ZNF383: variants seen among roughly 807,000 people sequenced by gnomAD.
ZNF383 encodes zinc finger protein 383.
In ZNF383, 32 loss-of-function variants were observed where a neutral mutation model predicts 44.2. The observed-to-expected ratio is 0.72, with a 90% confidence interval of 0.55 to 0.97. ZNF383 has a LOEUF of 0.97. Ranked by LOEUF, ZNF383 falls within the 50% of genes least tolerant of loss-of-function variation. The pLI is 0.00. For missense variants in ZNF383, 487 were observed against 562.5 expected (o/e 0.87, Z 1.36); for synonymous variants, 155 against 186.2 (o/e 0.83, Z 1.36).
chr19:37,227,243 T>C (rs1198896725), intron 2 of ZNF383, among the ~76,000 whole-genome samples: 1 of 151,066 alleles, frequency 6.6e-6, no homozygotes, highest in Non-Finnish European at 1.5e-5. Flanking sequence ...GCCTCCCTAG[T>C]AGCTGGGATT....
At chr19:37,233,604 A>G (rs1235467188) in intron 3 of ZNF383, among the ~76,000 whole-genome samples, 1 of 151,260 alleles carries the variant, frequency 6.6e-6, no homozygotes, top group Non-Finnish European at 1.5e-5. Flanking sequence ...TAATTTTTGT[A>G]TTTTTAGTAG....
At position 37,247,689 on chromosome 19, in the gene ZNF383, AAAC is replaced by A. The variant is rs1599813758; in HGVS notation, c.*4031_*4033del. Reference sequence around the variant, plus strand: ...TCTCTACAGAAAAAAAAAAAAATTAAAACAACAAACTTAAAAGTTGGTATTATA... The same window carrying A: ...TCTCTACAGAAAAAAAAAAAAATTAAAACAAACTTAAAAGTTGGTATTATA... On this transcript the variant is annotated 3_prime_UTR_variant, in exon 6 of 6. Coordinates refer to ENST00000684119, the MANE Select transcript of ZNF383 (RefSeq NM_001387601.1). 6.6e-6 allele frequency: 1 copy of A among 152,116 alleles called. No homozygotes were observed. The highest frequency in any genetic ancestry group is 2.4e-5 in the African/African-American group (1 of 41,440). 9.4% of individuals were successfully genotyped at this position (152,116 alleles called of 1,614,324 possible).
At chr19:37,219,051 T>C (rs951421449) in intron 1 of ZNF383, among the ~76,000 whole-genome samples, 6 of 152,034 alleles carry the variant, frequency 3.9e-5, no homozygotes, top group East Asian at 1.9e-4. Flanking sequence ...TGACCATATA[T>C]AGTGTTATTG....
At chr19:37,219,579 AT>A (rs1972823569) in intron 1 of ZNF383, 1 of 152,756 alleles carries the variant, frequency 6.5e-6, no homozygotes, top group African/African-American at 2.4e-5. Context: ...GACCTCCCCC[AT>A]CCCTTCTTCT....
At chr19:37,236,956 C>A (rs1973835881) in intron 5 of ZNF383, among the ~76,000 whole-genome samples, 1 of 26,620 alleles carries the variant, frequency 3.8e-5, no homozygotes, top group Non-Finnish European at 6.5e-5. Context: ...CACATGTGAA[C>A]ACACACACAC....
chr19:37,243,137 G>A lies in ZNF383; in HGVS notation c.901G>A (p.Ala301Thr). 6.2e-7 allele frequency: 1 copy of A among 1,613,980 alleles called. No individual in the cohort carries two copies. The highest frequency in any genetic ancestry group is 8.5e-7 in the Non-Finnish European group (1 of 1,179,986). ...TAAGAGCTCACAACTTTTTCAGCAT[G>A]CACGAATTCATACAGGTGAGAAACC... ...FTKSSQLFQH[A>T]RIHTGEKPYE... is the part of the protein sequence containing the mutation. The change falls in exon 6 of 6, where the codon GCA becomes ACA. Residue 301 changes from alanine (A) to threonine (T), a missense_variant. By Grantham distance (58) the Ala-to-Thr change is moderately conservative (BLOSUM62 0). Transcript: ENST00000684119.
intron 2 of ZNF383, among the ~76,000 whole-genome samples, chr19:37,228,982 A>G (rs1568522978): frequency 6.6e-6 from 1 of 151,954 alleles, no homozygotes; most frequent in African/African-American, 2.4e-5. Context: ...GCTGTTAAAG[A>G]CTCTATCACA....
At chr19:37,236,953 G>GC (rs1196887056) in intron 5 of ZNF383, among the ~76,000 whole-genome samples, 2 of 95,480 alleles carry the variant, frequency 2.1e-5, no homozygotes, top group Non-Finnish European at 4.2e-5. Context: ...ACACACATGT[G>GC]AACACACACA....
rs1974442524 is a variant in ZNF383, at chr19:37,248,430, A to C, written c.*4766A>C. On this transcript the variant is annotated 3_prime_UTR_variant, in exon 6 of 6. Coordinates refer to ENST00000684119, the MANE Select transcript of ZNF383 (RefSeq NM_001387601.1). ...CCCATTGAAAATAAATATTTGTCAC[A>C]TTCTGAATTTAGGAAAAAACAATTC... 6.6e-6 allele frequency: 1 copy of C among 152,262 alleles called. No individual in the cohort carries two copies. The highest frequency in any genetic ancestry group is 1.5e-5 in the Non-Finnish European group (1 of 68,052). 9.4% of individuals were successfully genotyped at this position (152,262 alleles called of 1,614,324 possible).
chr19:37,220,165 T>C (rs1972848924), intron 1 of ZNF383, among the ~76,000 whole-genome samples: 1 of 152,268 alleles, frequency 6.6e-6, no homozygotes, highest in African/African-American at 2.4e-5. Flanking sequence ...TTATGACATT[T>C]ACCATTTCAT....
At chr19:37,233,068 C>T (rs566024505) in intron 3 of ZNF383, among the ~76,000 whole-genome samples, 1 of 152,138 alleles carries the variant, frequency 6.6e-6, no homozygotes, top group East Asian at 1.9e-4. Context: ...ATACAGTCCC[C>T]TCTTACAGCA....
At chr19:37,230,510 A>G (rs909806496) in intron 3 of ZNF383, 48 bp downstream of exon 3, 1 of 1,608,342 alleles carries the variant, frequency 6.2e-7, no homozygotes. Flanking sequence ...TTTAAAAAAA[A>G]AAAAAAGACA....
chr19:37,239,289 CA>C (rs1341746606), intron 5 of ZNF383, among the ~76,000 whole-genome samples: 2 of 151,878 alleles, frequency 1.3e-5, no homozygotes, highest in Non-Finnish European at 2.9e-5. Flanking sequence ...ATGTATGGGA[CA>C]AACCATAGTA....
At chr19:37,219,072 G>T (rs1348250729) in intron 1 of ZNF383, among the ~76,000 whole-genome samples, 1 of 152,064 alleles carries the variant, frequency 6.6e-6, no homozygotes, top group Non-Finnish European at 1.5e-5. Flanking sequence ...TTTGGGTGAG[G>T]CGTGCCTGTG....
At chr19:37,230,536 C>T (rs887086519) in intron 3 of ZNF383, 74 bp downstream of exon 3, 3 of 1,532,346 alleles carry the variant, frequency 2.0e-6, no homozygotes, top group South Asian at 1.1e-5. Context: ...ATTTGCTTTC[C>T]TTATCCTGAC....
At chr19:37,232,601 G>A (rs1357255532) in intron 3 of ZNF383, among the ~76,000 whole-genome samples, 1 of 151,984 alleles carries the variant, frequency 6.6e-6, no homozygotes, top group Non-Finnish European at 1.5e-5. Context: ...CATTCACTAG[G>A]GGTTACAAGT....
intron 1 of ZNF383, among the ~76,000 whole-genome samples, chr19:37,223,630 G>A (rs1261051746): frequency 6.6e-6 from 1 of 152,092 alleles, no homozygotes; most frequent in Admixed American, 6.6e-5. Context: ...AATTGTGATA[G>A]ATATTTAAAA....
At chr19:37,232,822 A>G (rs1973564041) in intron 3 of ZNF383, among the ~76,000 whole-genome samples, 1 of 152,256 alleles carries the variant, frequency 6.6e-6, no homozygotes, top group Non-Finnish European at 1.5e-5. Context: ...ATGTTTTAAA[A>G]TAGTGTTGTG....
chr19:37,225,454 G>A (rs1284328451), intron 2 of ZNF383, among the ~76,000 whole-genome samples: 1 of 152,066 alleles, frequency 6.6e-6, no homozygotes, highest in African/African-American at 2.4e-5. Context: ...TAGATCTTTA[G>A]AACTTTTTCA....
Sources: allele counts gnomAD v4.1 joint callset (sites outside exome capture counted in the v4.1 genomes callset), GRCh38; gene constraint gnomAD v4.1.1; transcripts MANE v1.5; gene names NCBI Gene and HGNC (gene_info 2026-07-23, HGNC 2026-07-21).